The following TRPC5 variants were observed in gnomAD, a reference collection of about 807,000 sequenced individuals.
TRPC5 encodes short transient receptor potential channel 5.
In TRPC5, 9 loss-of-function variants were observed where a neutral mutation model predicts 56.5. The observed-to-expected ratio is 0.16, with a 90% CI of 0.10 to 0.28. TRPC5 has a LOEUF of 0.28. TRPC5 is among the 10% of genes least tolerant of loss of function. The pLI, the probability that TRPC5 is intolerant of heterozygous loss-of-function variation, is 1.00. For missense variants in TRPC5, 469 were observed against 748.9 expected (o/e 0.63, Z 4.36); for synonymous variants, 282 against 278.5 (o/e 1.01, Z -0.13).
intron 1 of TRPC5, among the ~76,000 whole-genome samples, chrX:111,971,322 A>T (rs1927778948): frequency 8.9e-6 from 1 of 111,804 alleles, no homozygotes; most frequent in African/African-American, 3.2e-5. Context: ...ATTCAGACTA[A>T]AAGAAATGAA....
At chrX:112,040,334 C>G (rs994441816) in intron 1 of TRPC5, among the ~76,000 whole-genome samples, 1 of 112,354 alleles carries the variant, frequency 8.9e-6, no homozygotes, top group Non-Finnish European at 1.9e-5. Flanking sequence ...CAAATCAGTT[C>G]CAGCTAATTC....
chrX:112,002,706 A>G (rs1928728423), intron 1 of TRPC5, among the ~76,000 whole-genome samples: 1 of 111,679 alleles, frequency 9.0e-6, no homozygotes, highest in Non-Finnish European at 1.9e-5. Flanking sequence ...TTCAAATTTG[A>G]CAAAAATTGG....
chrX:112,036,876 T>G (rs916587554), intron 1 of TRPC5, among the ~76,000 whole-genome samples: 2 of 110,689 alleles, frequency 1.8e-5, no homozygotes, highest in Non-Finnish European at 3.8e-5. Flanking sequence ...GCAACGCTGG[T>G]CTCCATATGT....
Position 111,973,668 on chromosome X carries a change from T to C in TRPC5, c.-21-21227A>G, listed in dbSNP as rs938297696. Among the ~76,000 whole-genome samples the C allele has an allele frequency of 3.6e-5, 4 of 112,000 alleles. No individual in the cohort carries two copies. In the East Asian group the frequency reaches 8.4e-4, roughly 23 times the overall value. On this transcript the variant is annotated intron_variant, in intron 1 of 10. Transcript: ENST00000262839. ...GCTCATACTATCTCACAAGAACAGA[T>C]TGTTAAATTTTCAGAAACTTTGTAA... is the stretch of plus-strand genomic sequence containing the variant.
intron 7 of TRPC5, among the ~76,000 whole-genome samples, chrX:111,827,034 T>C (rs1922258423): frequency 1.8e-5 from 2 of 111,758 alleles, no homozygotes; most frequent in South Asian, 7.6e-4. Flanking sequence ...AGAGGTTCTG[T>C]GTGTGGGTCT....
rs3027720 is a variant in TRPC5, at chrX:111,847,395, G to A, written c.1419C>T (p.His473=). The A allele has an allele frequency of 3.1e-4, 377 of 1,209,489 alleles. No individual in the cohort carries two copies. Among genetic ancestry groups the A allele is most frequent in the Non-Finnish European group, 3.9e-4 (349 of 895,169 alleles). The change falls in exon 6 of 11, where the codon CAC becomes CAT. Residue 473 remains histidine, a synonymous_variant. Coordinates refer to ENST00000262839, the MANE Select transcript of TRPC5 (RefSeq NM_012471.3). ...SRPREEWEMW[H]PTLIAEALFA... ...AGAGTGCTTCCGCAATCAGAGTCGGGTGCCACATTTCCCATTCCTCCCTTG... is the reference window on the plus strand; with the variant it reads ...AGAGTGCTTCCGCAATCAGAGTCGGATGCCACATTTCCCATTCCTCCCTTG...
intron 1 of TRPC5, among the ~76,000 whole-genome samples, chrX:112,007,589 C>T: frequency 8.9e-6 from 1 of 111,836 alleles, no homozygotes; most frequent in Non-Finnish European, 1.9e-5. Flanking sequence ...TCCTGAAGAT[C>T]ATTCCAGGTA....
chrX:111,852,156 ATGTC>A, intron 5 of TRPC5, 138 bp downstream of exon 5: 1 of 571,559 alleles, frequency 1.7e-6, no homozygotes, highest in East Asian at 3.8e-5. Context: ...CACTGAAAGA[ATGTC>A]TGTTTATATG....
intron 7 of TRPC5, among the ~76,000 whole-genome samples, chrX:111,825,222 C>CTTT (rs1922190512): frequency 1.6e-5 from 1 of 60,878 alleles, no homozygotes; most frequent in Admixed American, 2.3e-4. Context: ...TTTCTTTCTT[C>CTTT]TTTCTTTCTC....
At chrX:111,932,998 C>T (rs1926462266) in intron 2 of TRPC5, among the ~76,000 whole-genome samples, 1 of 112,387 alleles carries the variant, frequency 8.9e-6, no homozygotes, top group Non-Finnish European at 1.9e-5. Context: ...CATCTTCTTT[C>T]TGCTGTTCCA....
At chrX:111,804,658 G>A (rs1418327772) in intron 7 of TRPC5, among the ~76,000 whole-genome samples, 1 of 111,406 alleles carries the variant, frequency 9.0e-6, no homozygotes, top group African/African-American at 3.3e-5. Context: ...CTGTTTGTCT[G>A]TTATTGGTGT....
intron 3 of TRPC5, chrX:111,902,839 G>C: frequency 8.9e-6 from 1 of 111,997 alleles, no homozygotes; most frequent in Non-Finnish European, 1.9e-5. Flanking sequence ...GTGCAGGACT[G>C]TTCTTGCAAA....
intron 3 of TRPC5, among the ~76,000 whole-genome samples, chrX:111,906,039 T>A (rs781373502): frequency 5.2e-4 from 57 of 110,391 alleles, no homozygotes; most frequent in Non-Finnish European, 9.9e-4. Context: ...AACTTTAGTG[T>A]TTCAGATTCC....
chrX:111,942,643 G>A (rs966867345), intron 2 of TRPC5, among the ~76,000 whole-genome samples: 8 of 112,139 alleles, frequency 7.1e-5, no homozygotes, highest in Middle Eastern at 4.6e-3. Flanking sequence ...ATACATGAGA[G>A]TAGGTAACTC....
At chrX:111,821,546 G>A (rs1025518990) in intron 7 of TRPC5, among the ~76,000 whole-genome samples, 1 of 111,704 alleles carries the variant, frequency 9.0e-6, no homozygotes, top group Admixed American at 9.5e-5. Flanking sequence ...TTGCCCTTCT[G>A]CCTCTCACAT....
Position 111,769,289 on chromosome X carries a change from C to T in TRPC5, c.*7024G>A, listed in dbSNP as rs1179712403. Among the ~76,000 whole-genome samples the T allele has an allele frequency of 7.1e-5, 8 of 112,131 alleles. No homozygotes were observed. Among genetic ancestry groups the T allele is most frequent in the Non-Finnish European group, 1.3e-4 (7 of 53,199 alleles). On this transcript the variant is annotated 3_prime_UTR_variant, in exon 11 of 11. Transcript: ENST00000262839. ...GAGTCAATTCTGAGTTTATTTACAG[C>T]ATAAGCCATTGGAACTCAATGTATT...
intron 3 of TRPC5, among the ~76,000 whole-genome samples, chrX:111,906,092 C>T (rs765464571): frequency 5.4e-5 from 6 of 110,755 alleles, no homozygotes; most frequent in Admixed American, 9.6e-5. Flanking sequence ...CGGTGGCTCA[C>T]GCCTATAATC....
At chrX:111,981,089 G>C (rs1392414131) in intron 1 of TRPC5, among the ~76,000 whole-genome samples, 1 of 109,455 alleles carries the variant, frequency 9.1e-6, no homozygotes, top group Admixed American at 1.0e-4. Flanking sequence ...TGGAATTATG[G>C]AAGCTGAGAA....
At chrX:112,037,586 T>C (rs1929780791) in intron 1 of TRPC5, among the ~76,000 whole-genome samples, 1 of 111,739 alleles carries the variant, frequency 8.9e-6, no homozygotes, top group Non-Finnish European at 1.9e-5. Flanking sequence ...CACAGTAGCT[T>C]TTAGAACTAA....
Sources: allele counts gnomAD v4.1 joint callset (sites outside exome capture counted in the v4.1 genomes callset), GRCh38; gene constraint gnomAD v4.1.1; transcripts MANE v1.5; gene names NCBI Gene and HGNC (gene_info 2026-07-23, HGNC 2026-07-21).